KIFC3: variants seen among roughly 807,000 people sequenced by gnomAD.
The protein encoded by KIFC3 is kinesin family member C3, also known as kinesin-like protein KIFC3.
A neutral mutation model predicts 101.8 loss-of-function variants in KIFC3; 60 were observed. That is an observed-to-expected ratio of 0.59 (90% confidence interval 0.48 to 0.73). The LOEUF (loss-of-function observed/expected upper bound fraction) is 0.73. Ranked by LOEUF, KIFC3 falls within the 30% of genes least tolerant of loss-of-function variation. The pLI, the probability that KIFC3 is intolerant of heterozygous loss-of-function variation, is 0.00. For missense variants in KIFC3, 966 were observed against 1,137.1 expected, an observed-to-expected ratio of 0.85 and a Z score of 2.16; for synonymous variants, 476 against 482.7, an observed-to-expected ratio of 0.99 and a Z score of 0.18.
At chr16:57,797,901 G>A in intron 2 of KIFC3, 171 bp downstream of exon 2, 4 of 1,483,976 alleles carry the variant, frequency 2.7e-6, no homozygotes, top group Non-Finnish European at 3.6e-6. Context: ...AGGAGCGCCC[G>A]GCGAGACTGA....
At chr16:57,806,846 C>G (rs1343237239), upstream of KIFC3, among the ~76,000 whole-genome samples, 1 of 152,206 alleles carries the variant, frequency 6.6e-6, no homozygotes, top group Admixed American at 6.5e-5. Flanking sequence ...AATCCTGACC[C>G]AATTAGCTGC....
upstream of KIFC3, among the ~76,000 whole-genome samples, chr16:57,804,248 A>G (rs2054880958): frequency 6.6e-6 from 1 of 152,224 alleles, no homozygotes; most frequent in African/African-American, 2.4e-5. Flanking sequence ...TGTGTACATA[A>G]TAGATGCCAT....
chr16:57,765,400 G>A (rs1555601752), intron 11 of KIFC3, 59 bp downstream of exon 11: 1 of 1,503,048 alleles, frequency 6.7e-7, no homozygotes, highest in Non-Finnish European at 9.0e-7. Flanking sequence ...CCCGCTCCCT[G>A]TGAGTCCATC....
chr16:57,819,756 T>C (rs1283746867), intron 1 of KIFC3, among the ~76,000 whole-genome samples: 2 of 152,132 alleles, frequency 1.3e-5, no homozygotes, highest in African/African-American at 4.8e-5. Flanking sequence ...AGACAGGGCT[T>C]CACCATGTTG....
intron 3 of KIFC3, among the ~76,000 whole-genome samples, chr16:57,778,166 G>T (rs1373164095): frequency 6.6e-6 from 1 of 152,196 alleles, no homozygotes; most frequent in Non-Finnish European, 1.5e-5. Flanking sequence ...TGTGGTCCCA[G>T]CTACTAGGGA....
At chr16:57,803,329 A>C, upstream of KIFC3, 1 of 674,882 alleles carries the variant, frequency 1.5e-6, no homozygotes, top group Non-Finnish European at 2.7e-6. Flanking sequence ...TTTGTCTCCC[A>C]AACAGAGGCA....
At chr16:57,819,331 A>G (rs2055301657) in intron 1 of KIFC3, among the ~76,000 whole-genome samples, 1 of 152,152 alleles carries the variant, frequency 6.6e-6, no homozygotes, top group Non-Finnish European at 1.5e-5. Context: ...TTGGCCAGGC[A>G]CAGTATCATG....
chr16:57,766,016 A>AT (rs2050440270), intron 10 of KIFC3, among the ~76,000 whole-genome samples: 1 of 152,156 alleles, frequency 6.6e-6, no homozygotes, highest in African/African-American at 2.4e-5. Flanking sequence ...ATGAGCAAAG[A>AT]GCCTTGTCCT....
intron 2 of KIFC3, 107 bp from the exon 3 acceptor site, chr16:57,795,248 C>T: frequency 7.3e-7 from 1 of 1,362,576 alleles, no homozygotes; most frequent in Non-Finnish European, 9.9e-7. Flanking sequence ...TCACACATCC[C>T]TGGCTGGTCC....
At chr16:57,759,095 G>GCC (rs2049486579) in intron 19 of KIFC3, 30 bp downstream of exon 19, 1 of 1,549,816 alleles carries the variant, frequency 6.5e-7, no homozygotes. Context: ...AGGCAGGCGG[G>GCC]CAGCCCTGGG....
chr16:57,808,982 T>C (rs1256296897), intron 1 of KIFC3, among the ~76,000 whole-genome samples: 1 of 152,240 alleles, frequency 6.6e-6, no homozygotes, highest in Admixed American at 6.5e-5. Flanking sequence ...TTTTTTACTC[T>C]GCCTTTTCTT....
intron 1 of KIFC3, chr16:57,846,526 G>GA (rs1339908991): frequency 3.3e-5 from 5 of 152,268 alleles, no homozygotes; most frequent in African/African-American, 1.2e-4. Context: ...GAGATGCCTG[G>GA]AAGGCGCTGT....
chr16:57,856,871 G>A (rs571828074), intron 1 of KIFC3, among the ~76,000 whole-genome samples: 144 of 151,910 alleles, frequency 9.5e-4, no homozygotes, highest in African/African-American at 2.9e-3. Flanking sequence ...TCCTATATCC[G>A]TTAGAAGAAA....
chr16:57,795,001 G>A lies in KIFC3; in HGVS notation c.313C>T (p.Gln105Ter), dbSNP rs782414278. 1.3e-6 allele frequency: 2 copies of A among 1,574,572 alleles called. No individual in the cohort carries two copies. The highest frequency in any genetic ancestry group is 2.4e-5 in the East Asian group (1 of 42,052). The change falls in exon 3 of 20, where the codon CAG (glutamine) becomes TAG (stop). Residue 105 changes from glutamine (Q) to a stop codon, truncating the protein, a stop_gained and splice_region_variant. Transcript: ENST00000445690. LOFTEE classifies it high-confidence loss of function. ...GSPHGLYLTL[Q>*]VEHLKEKLIS... is the part of the protein sequence containing the mutation. ...GCCTGGAAGGCCCCAGTGCTTACCT[G>A]CAGGGTCAGGTAGAGCCCGTGGGGG...
intron 3 of KIFC3, chr16:57,781,968 G>A (rs567068525): frequency 7.1e-6 from 7 of 985,388 alleles, no homozygotes; most frequent in Admixed American, 6.1e-5. Context: ...GAAAGCAGCC[G>A]ATCAGAAGCC....
At chr16:57,813,532 C>T (rs2055143539) in intron 1 of KIFC3, 1 of 256,474 alleles carries the variant, frequency 3.9e-6, no homozygotes, top group Admixed American at 6.5e-5. Context: ...GCAAATGGCA[C>T]CGGATGCCCC....
upstream of KIFC3, among the ~76,000 whole-genome samples, chr16:57,806,202 G>C (rs1300464711): frequency 6.6e-6 from 1 of 152,200 alleles, no homozygotes; most frequent in Non-Finnish European, 1.5e-5. Context: ...GTAAAGCACA[G>C]ATAAGATTTA....
chr16:57,783,889 C>A (rs2053030749), intron 3 of KIFC3, among the ~76,000 whole-genome samples: 1 of 152,180 alleles, frequency 6.6e-6, no homozygotes, highest in African/African-American at 2.4e-5. Context: ...AGACACGTGT[C>A]CTTCAGGGTG....
At chr16:57,808,858 GTGAGATGTAAAT>G (rs1484510161) in intron 1 of KIFC3, among the ~76,000 whole-genome samples, 9 of 152,186 alleles carry the variant, frequency 5.9e-5, no homozygotes, top group Non-Finnish European at 7.3e-5. Flanking sequence ...TTGAGTTATG[GTGAGATGTAAAT>G]TGGAGCAAGC....
Sources: gnomAD v4.1 joint callset for allele counts (sites outside exome capture counted in the v4.1 genomes callset) on GRCh38, gnomAD v4.1.1 for gene constraint, MANE v1.5 for transcripts, NCBI Gene and HGNC (gene_info 2026-07-23, HGNC 2026-07-21) for gene names.